Variants in FERMT3 observed in about 807,000 individuals in gnomAD.
FERMT3 encodes fermitin family homolog 3.
Under a neutral mutation model 80.8 loss-of-function variants are expected in FERMT3, and 33 were observed. The ratio of observed to expected loss-of-function variants is 0.41; its 90% CI spans 0.31 to 0.55. The LOEUF is 0.55. Ranked by LOEUF, FERMT3 falls within the 20% of genes least tolerant of loss-of-function variation. The pLI is 0.31. For synonymous variants in FERMT3, 375 were observed against 372.2 expected (o/e 1.01, Z -0.09); for missense variants, 754 against 908.7 (o/e 0.83, Z 2.19).
chr11:64,209,976 A>G (rs1182275176), intron 2 of FERMT3, among the ~76,000 whole-genome samples: 2 of 152,016 alleles, frequency 1.3e-5, no homozygotes, highest in African/African-American at 2.4e-5. Context: ...TTCAATGCTC[A>G]CTCATGGATC....
rs778184949 is a variant in FERMT3 at position 64,220,683 on chromosome 11, T to C, written c.1545+14T>C. 105 of 1,601,410 alleles carry C rather than the reference T, an allele frequency of 6.6e-5. No individual in the cohort carries two copies. Among genetic ancestry groups the C allele is most frequent in the Non-Finnish European group, 8.5e-5 (100 of 1,173,250 alleles). On this transcript the variant is annotated intron_variant, in intron 12 of 14. Transcript: ENST00000345728. ...AAGGCCAAGCAGGTACCAGAAGGCG[T>C]CAGGGTGGGAATGAGCATAGTGTTT...
At chr11:64,213,667 C>T (rs1198145853) in intron 6 of FERMT3, among the ~76,000 whole-genome samples, 1 of 150,670 alleles carries the variant, frequency 6.6e-6, no homozygotes, top group Non-Finnish European at 1.5e-5. Flanking sequence ...AAGCAGTTCT[C>T]CTGCCTCAGC....
chr11:64,207,713 C>G, intron 2 of FERMT3, 189 bp downstream of exon 2: 1 of 659,352 alleles, frequency 1.5e-6, no homozygotes, highest in Non-Finnish European at 2.5e-6. Flanking sequence ...ACCCTCTTCC[C>G]TCCCTCCCTT....
At chr11:64,215,564 T>C (rs530228948) in intron 6 of FERMT3, among the ~76,000 whole-genome samples, 1 of 152,288 alleles carries the variant, frequency 6.6e-6, no homozygotes, top group Admixed American at 6.5e-5. Context: ...ACCAAATTTA[T>C]ATTTTTATCT....
chr11:64,220,086 C>G lies in FERMT3; in HGVS notation c.1204+71C>G, dbSNP rs185724590. 277 of 1,596,808 alleles carry G rather than the reference C, an allele frequency of 1.7e-4. 1 individual carries two copies. The East Asian group carries it at 5.5e-3, about 32-fold the overall frequency. On this transcript the variant is annotated intron_variant, in intron 10 of 14. Transcript: ENST00000345728. ...GGGCTAGGCAGGTGAATGCTCTCAC[C>G]GGCCCTGTTTCCTCCTGGAGACCGG...
In FERMT3 at chr11:64,219,797, G is replaced by T. The variant is rs568273430; in HGVS notation, c.1079+8G>T. The T allele has an allele frequency of 1.4e-5, 22 of 1,614,110 alleles. No homozygotes were observed. The East Asian group carries it at 1.6e-4, about 11-fold the overall frequency. On this transcript the variant is annotated splice_region_variant and intron_variant, in intron 9 of 14. Transcript: ENST00000345728. This position sits in a 1 kb window ranked among gnomAD's most constrained non-coding sequence, Gnocchi z 4.0. Reference sequence around the variant, plus strand: ...CCATCTCCGAATCTTTCGGTGAGTTGGGGGCCAGAGTAGGCAGCCCTGCTG... The same window carrying T: ...CCATCTCCGAATCTTTCGGTGAGTTTGGGGCCAGAGTAGGCAGCCCTGCTG...
In FERMT3 at chr11:64,221,093, G is replaced by C. The variant is rs776410003; in HGVS notation, c.1623G>C (p.Gln541His). Residue 541 changes from glutamine to histidine, a missense_variant, in exon 13 of 15, where the codon CAG (glutamine) becomes CAC (histidine). Transcript: ENST00000345728. Reference sequence around the variant, plus strand: ...CAGAGGCCCAGCTGCGCTTCATCCAGGCCTGGCAGTCCCTGCCCGACTTCG... The same window carrying C: ...CAGAGGCCCAGCTGCGCTTCATCCACGCCTGGCAGTCCCTGCCCGACTTCG... ...SLAEAQLRFI[Q>H]AWQSLPDFGI... The C allele has an allele frequency of 6.2e-7, 1 of 1,612,046 alleles. No individual in the cohort carries two copies. The highest frequency in any genetic ancestry group is 1.1e-5 in the South Asian group (1 of 91,090).
rs2134903776 is a variant in FERMT3 at position 64,223,046 on chromosome 11, A to G, written c.1671-2A>G. On this transcript the variant is annotated splice_acceptor_variant, in intron 13 of 14. Coordinates refer to ENST00000345728, the MANE Select transcript of FERMT3 (RefSeq NM_031471.6). LOFTEE classifies it high-confidence loss of function. ...GGCTCACTCTCTCTCCCTGGGGGCC[A>G]GGTTCAAGGGCAGCAGGAAAGACGA... 1.9e-6 allele frequency: 3 copies of G among 1,613,468 alleles called. No individual in the cohort carries two copies. Among genetic ancestry groups the G allele is most frequent in the Non-Finnish European group, 1.7e-6 (2 of 1,180,022 alleles).
At chr11:64,213,664 T>C (rs1170445909) in intron 6 of FERMT3, among the ~76,000 whole-genome samples, 1 of 150,698 alleles carries the variant, frequency 6.6e-6, no homozygotes, top group Non-Finnish European at 1.5e-5. Context: ...TTCAAGCAGT[T>C]CTCCTGCCTC....
rs1438834162 is a variant in FERMT3, at chr11:64,210,827, C to T, written c.377C>T (p.Ala126Val). ...CAGCCCCTCTTCCAGGCTGTGGCTG[C>T]CATCTGCCGCCTCCTCAGTAAGTTG... ...FSQPLFQAVAAICRLLSIRHP... is the reference protein window; with the variant it reads ...FSQPLFQAVAVICRLLSIRHP... Residue 126 changes from alanine to valine, a missense_variant, in exon 3 of 15, where the codon GCC becomes GTC. Transcript: ENST00000345728. This position sits in a 1 kb window ranked among gnomAD's most constrained non-coding sequence, Gnocchi z 4.3. The T allele has an allele frequency of 3.1e-6, 5 of 1,612,546 alleles. No individual in the cohort carries two copies. The highest frequency in any genetic ancestry group is 1.7e-5 in the Admixed American group (1 of 60,026).
chr11:64,213,140 C>T (rs1383768965), intron 6 of FERMT3, among the ~76,000 whole-genome samples: 1 of 151,860 alleles, frequency 6.6e-6, no homozygotes, highest in African/African-American at 2.4e-5. Context: ...ACTGCAACCT[C>T]TTCCTCCTGG....
chr11:64,220,820 T>A, intron 12 of FERMT3, 151 bp downstream of exon 12: 12 of 1,274,130 alleles, frequency 9.4e-6, no homozygotes, highest in Non-Finnish European at 1.3e-5. Flanking sequence ...TACCCACCCT[T>A]TGGGAGGAGT....
intron 13 of FERMT3, 32 bp from the exon 14 acceptor site, chr11:64,223,016 G>GCCC (rs755341098): frequency 6.2e-7 from 1 of 1,612,866 alleles, no homozygotes; most frequent in Admixed American, 1.7e-5. Context: ...GCAGGGTGGA[G>GCCC]CCCTGGCTCA....
chr11:64,222,394 GTC>G (rs758310636), intron 13 of FERMT3, among the ~76,000 whole-genome samples: 218 of 151,538 alleles, frequency 1.4e-3, no homozygotes, highest in Non-Finnish European at 2.0e-3. Context: ...GTGAAACCCC[GTC>G]TCTACTAAAA....
In FERMT3 at chr11:64,210,113, G is replaced by T. The variant is rs1946403248; in HGVS notation, c.161-498G>T. ...AACTGAGGCCCAGTGAGGTTAAGTG[G>T]CTTGTCCAAGGTCACACAGCTAATA... On this transcript the variant is annotated intron_variant, in intron 2 of 14. Coordinates refer to ENST00000345728, the MANE Select transcript of FERMT3 (RefSeq NM_031471.6). This position sits in a 1 kb window ranked among gnomAD's most constrained non-coding sequence, Gnocchi z 4.3. Among the ~76,000 whole-genome samples the T allele has an allele frequency of 6.6e-6, 1 of 152,206 alleles. No homozygotes were observed. Among genetic ancestry groups the T allele is most frequent in the Non-Finnish European group, 1.5e-5 (1 of 68,040 alleles).
chr11:64,215,030 G>A (rs11605193), intron 6 of FERMT3, among the ~76,000 whole-genome samples: 15,966 of 151,400 alleles, frequency 0.11, 1,078 homozygotes, highest in Non-Finnish European at 0.16. Context: ...AGCTGGTCTC[G>A]AACTCCTGAC....
Position 64,219,680 on chromosome 11 carries a change from G to C in FERMT3, c.1029+22G>C. 2.5e-6 allele frequency: 4 copies of C among 1,613,872 alleles called. No homozygotes were observed. Among genetic ancestry groups the C allele is most frequent in the South Asian group, 1.1e-5 (1 of 91,074 alleles). On this transcript the variant is annotated intron_variant, in intron 8 of 14. Transcript: ENST00000345728. The surrounding 1 kb of genome is among the most constrained non-coding windows in gnomAD (Gnocchi z 4.0). ...GCTGGTGAGGAGGGGCTCAGGGCAG[G>C]GGCTGGGCAGGGAGAACTGTGAGGT... is the stretch of plus-strand genomic sequence containing the variant.
chr11:64,211,203 TG>T lies in FERMT3; in HGVS notation c.514+37del. The T allele has an allele frequency of 2.8e-6, 1 of 362,268 alleles. No homozygotes were observed. Among genetic ancestry groups the T allele is most frequent in the Non-Finnish European group, 3.4e-6 (1 of 292,748 alleles). The allele number at this position is 362,268 out of a possible 1,614,324, so 22.4% of individuals were successfully genotyped here. On this transcript the variant is annotated intron_variant, in intron 4 of 14. Coordinates refer to ENST00000345728, the MANE Select transcript of FERMT3 (RefSeq NM_031471.6). This position sits in a 1 kb window ranked among gnomAD's most constrained non-coding sequence, Gnocchi z 4.7. ...GCAAGTGGGGGTGGGCCTGGGGGGT[TG>T]GGGGCAGGGGCCGGCCCGTGAGTCC... is the stretch of plus-strand genomic sequence containing the variant.
In FERMT3 at chr11:64,221,849, C is replaced by T. The variant is rs761264101; in HGVS notation, c.1670+709C>T. On this transcript the variant is annotated intron_variant, in intron 13 of 14. Coordinates refer to ENST00000345728, the MANE Select transcript of FERMT3 (RefSeq NM_031471.6). ...GACTGAGGCAGGAGAATCCCTTGAA[C>T]CCAGGAGGCAGAGGTTGCAGTGAAC... Among the ~76,000 whole-genome samples the T allele has an allele frequency of 2.0e-5, 3 of 152,064 alleles. No homozygotes were observed. In the East Asian group the frequency reaches 5.8e-4, roughly 29 times the overall value.
Sources: gnomAD v4.1 joint callset for allele counts (sites outside exome capture counted in the v4.1 genomes callset) on GRCh38, gnomAD v4.1.1 for gene constraint, Gnocchi (gnomAD v3.1) non-coding constraint, MANE v1.5 for transcripts, NCBI Gene and HGNC (gene_info 2026-07-23, HGNC 2026-07-21) for gene names.